Variants in TLR4 observed in about 807,000 individuals in gnomAD.
TLR4 encodes the protein toll like receptor 4.
Under a neutral mutation model 27.4 loss-of-function variants are expected in TLR4, and 17 were observed. The observed-to-expected ratio is 0.62, with a 90% CI of 0.42 to 0.93. The LOEUF (loss-of-function observed/expected upper bound fraction) is 0.93, where lower values mean the gene tolerates loss of function less well. Among genes scored for constraint, TLR4 ranks in the 40% least tolerant of loss-of-function variants. The pLI, the probability that TLR4 is intolerant of heterozygous loss-of-function variation, is 0.00. For missense variants in TLR4, 926 were observed against 962.3 expected (o/e 0.96, Z 0.50); for synonymous variants, 363 against 365.7 (o/e 0.99, Z 0.08).
intron 1 of TLR4, among the ~76,000 whole-genome samples, chr9:117,704,872 C>T (rs185542826): frequency 1.4e-3 from 213 of 152,190 alleles, no homozygotes; most frequent in African/African-American, 4.9e-3. Flanking sequence ...GACTAGTTTT[C>T]GCATCTGTAA....
chr9:117,709,678 T>C (rs1427199358), intron 2 of TLR4, among the ~76,000 whole-genome samples: 1 of 152,164 alleles, frequency 6.6e-6, no homozygotes, highest in African/African-American at 2.4e-5. Flanking sequence ...ATAGAAATTA[T>C]TGATAAAGAC....
chr9:117,713,945 G>A lies in TLR4; in HGVS notation c.1817G>A (p.Arg606Gln), dbSNP rs773808914. 1.1e-5 allele frequency: 18 copies of A among 1,613,972 alleles called. No individual in the cohort carries two copies. The highest frequency in any genetic ancestry group is 1.4e-5 in the Non-Finnish European group (17 of 1,179,972). The change falls in exon 3 of 3, where the codon CGA becomes CAA. Residue 606 changes from arginine to glutamine, a missense_variant. Coordinates refer to ENST00000355622, the MANE Select transcript of TLR4 (RefSeq NM_138554.5). ...DQRQLLVEVE[R>Q]MECATPSDKQ... The stretch of plus-strand genomic sequence containing the variant: ...AGGCAGCTCTTGGTGGAAGTTGAAC[G>A]AATGGAATGTGCAACACCTTCAGAT...
Position 117,713,505 on chromosome 9 carries a change from C to T in TLR4, c.1377C>T (p.Thr459=), listed in dbSNP as rs1179225338. The change falls in exon 3 of 3, where the codon ACC becomes ACT. Residue 459 remains threonine (T), a synonymous_variant. Transcript: ENST00000355622. The part of the protein sequence containing the change: ...LIYLDISHTH[T]RVAFNGIFNG... ...ACCTTGACATTTCTCATACTCACAC[C>T]AGAGTTGCTTTCAATGGCATCTTCA... is the stretch of plus-strand genomic sequence containing the variant. 2 of 1,614,080 alleles carry T rather than the reference C, an allele frequency of 1.2e-6. No individual in the cohort carries two copies. The highest frequency in any genetic ancestry group is 1.3e-5 in the African/African-American group (1 of 75,034).
At chr9:117,707,304 C>A (rs1227676133) in intron 1 of TLR4, among the ~76,000 whole-genome samples, 3 of 152,120 alleles carry the variant, frequency 2.0e-5, no homozygotes, top group Non-Finnish European at 2.9e-5. Flanking sequence ...TACTTCATTT[C>A]TTTGAATTTC....
intron 2 of TLR4, among the ~76,000 whole-genome samples, chr9:117,711,543 A>G (rs1243216073): frequency 6.6e-6 from 1 of 152,062 alleles, no homozygotes; most frequent in Non-Finnish European, 1.5e-5. Context: ...ACAACTCCAT[A>G]TTGTACACTC....
rs911720449 is a variant in TLR4, at chr9:117,718,384, A to G, written c.*3736A>G. The G allele has an allele frequency of 2.0e-5, 3 of 152,180 alleles. No homozygotes were observed. Among genetic ancestry groups the G allele is most frequent in the African/African-American group, 7.2e-5 (3 of 41,454 alleles). The allele number at this position is 152,180 out of a possible 1,614,324, so 9.4% of individuals were successfully genotyped here. The stretch of plus-strand genomic sequence containing the variant: ...CATATGCATATATGTTATACATACC[A>G]AATGATTTATTTATAACCCTATCTT... On this transcript the variant is annotated 3_prime_UTR_variant, in exon 3 of 3. Transcript: ENST00000355622.
chr9:117,714,569 C>G lies in TLR4; in HGVS notation c.2441C>G (p.Ala814Gly). The change falls in exon 3 of 3, where the codon GCC becomes GGC. Residue 814 changes from alanine (A) to glycine (G), a missense_variant. Coordinates refer to ENST00000355622, the MANE Select transcript of TLR4 (RefSeq NM_138554.5). ...RHIFWRRLRK[A>G]LLDGKSWNPE... ...ATCTTCTGGAGACGACTCAGAAAAG[C>G]CCTGCTGGATGGTAAATCATGGAAT... The G allele has an allele frequency of 6.2e-7, 1 of 1,613,844 alleles. No homozygotes were observed. Among genetic ancestry groups the G allele is most frequent in the Non-Finnish European group, 8.5e-7 (1 of 1,179,992 alleles).
In TLR4 at chr9:117,723,594, T is replaced by C. The variant is rs936338073; in HGVS notation, c.*8946T>C. ...ACATAAATGCAAGGAGTTATTATGA[T>C]AACAGATTGAAAACTCCTCCAAGGA... On this transcript the variant is annotated 3_prime_UTR_variant, in exon 3 of 3. Coordinates refer to ENST00000355622, the MANE Select transcript of TLR4 (RefSeq NM_138554.5). 19 of 152,296 alleles carry C rather than the reference T, an allele frequency of 1.2e-4. No homozygotes were observed. Among genetic ancestry groups the C allele is most frequent in the African/African-American group, 4.6e-4 (19 of 41,568 alleles). The allele number at this position is 152,296 out of a possible 1,614,324, so 9.4% of individuals were successfully genotyped here. A position where few individuals can be genotyped will look rare whatever the true frequency, so the allele number is the denominator to read the frequency against.
rs200144068 is a variant in TLR4, at chr9:117,704,551, G to C, written c.79G>C (p.Glu27Gln). The change falls in exon 1 of 3, where the codon GAG (glutamate) becomes CAG (glutamine). Residue 27 changes from glutamate (E) to glutamine (Q), a missense_variant. Coordinates refer to ENST00000355622, the MANE Select transcript of TLR4 (RefSeq NM_138554.5). ...CTCCTGCGTGAGACCAGAAAGCTGG[G>C]AGCCCTGCGTGGAGGTATGTGGCTG... ...FLSCVRPESW[E>Q]PCVEVVPNIT... 21 of 1,613,756 alleles carry C rather than the reference G, an allele frequency of 1.3e-5. No individual in the cohort carries two copies. The highest frequency in any genetic ancestry group is 4.0e-5 in the African/African-American group (3 of 74,898).
chr9:117,706,423 G>A (rs1423312986), intron 1 of TLR4, among the ~76,000 whole-genome samples: 2 of 152,102 alleles, frequency 1.3e-5, no homozygotes, highest in Non-Finnish European at 2.9e-5. Flanking sequence ...GAATCGGTAA[G>A]GAGGCAGGAT....
rs1829410827 is a variant in TLR4, at chr9:117,720,542, G to A, written c.*5894G>A. On this transcript the variant is annotated 3_prime_UTR_variant, in exon 3 of 3. Transcript: ENST00000355622. Reference sequence around the variant, plus strand: ...ATGGGTTTCTGAAAGGCTGCAAGCAGTTCTGGGAATGGCAATAAAGGTTTA... The same window carrying A: ...ATGGGTTTCTGAAAGGCTGCAAGCAATTCTGGGAATGGCAATAAAGGTTTA... 1 of 152,230 alleles carries A rather than the reference G, an allele frequency of 6.6e-6. No individual in the cohort carries two copies. The highest frequency in any genetic ancestry group is 1.5e-5 in the Non-Finnish European group (1 of 68,040). The allele number at this position is 152,230 out of a possible 1,614,324, so 9.4% of individuals were successfully genotyped here. A position where few individuals can be genotyped will look rare whatever the true frequency, so the allele number is the denominator to read the frequency against.
Position 117,714,421 on chromosome 9 carries a change from G to T in TLR4, c.2293G>T (p.Gly765Cys). The T allele has an allele frequency of 6.2e-7, 1 of 1,613,730 alleles. No homozygotes were observed. Among genetic ancestry groups the T allele is most frequent in the East Asian group, 2.2e-5 (1 of 44,836 alleles). Residue 765 changes from glycine (G) to cysteine (C), a missense_variant, in exon 3 of 3, where the codon GGT (glycine) becomes TGT (cysteine). Gly to Cys is a radical substitution (Grantham distance 159). Transcript: ENST00000355622. ...CTGGCAGTTTCTGAGCAGTCGTGCTGGTATCATCTTCATTGTCCTGCAGAA... is the reference window on the plus strand; with the variant it reads ...CTGGCAGTTTCTGAGCAGTCGTGCTTGTATCATCTTCATTGTCCTGCAGAA... ...QTWQFLSSRA[G>C]IIFIVLQKVE...
chr9:117,704,700 G>A, intron 1 of TLR4, 135 bp downstream of exon 1: 1 of 812,738 alleles, frequency 1.2e-6, no homozygotes, highest in African/African-American at 1.7e-5. Flanking sequence ...AAGCCACAGA[G>A]ATCAAATAAT....
chr9:117,724,093 C>T lies in TLR4; in HGVS notation c.*9445C>T, dbSNP rs1829452741. ...TCACTATAGGGCTGCTATCATCCTT[C>T]ATCCTTATGCCACTGCAAATAGCAA... is the stretch of plus-strand genomic sequence containing the variant. On this transcript the variant is annotated 3_prime_UTR_variant, in exon 3 of 3. Coordinates refer to ENST00000355622, the MANE Select transcript of TLR4 (RefSeq NM_138554.5). 1 of 152,176 alleles carries T rather than the reference C, an allele frequency of 6.6e-6. No individual in the cohort carries two copies. The highest frequency in any genetic ancestry group is 2.1e-4 in the South Asian group (1 of 4,822). The allele number at this position is 152,176 out of a possible 1,614,324, so 9.4% of individuals were successfully genotyped here.
At chr9:117,712,247 G>C (rs1397335191) in intron 2 of TLR4, 142 bp from the exon 3 acceptor site, 2 of 815,948 alleles carry the variant, frequency 2.5e-6, no homozygotes, top group Non-Finnish European at 4.0e-6. Flanking sequence ...ATCATCATCT[G>C]TCCTGCTTGA....
Position 117,724,171 on chromosome 9 carries a change from A to G in TLR4, c.*9523A>G, listed in dbSNP as rs889829210. Reference sequence around the variant, plus strand: ...CCAGGCATGCCCCTTTCCAAGCAGCAGGGTCAAGCCGCTCCCTTCCTGAGC... The same window carrying G: ...CCAGGCATGCCCCTTTCCAAGCAGCGGGGTCAAGCCGCTCCCTTCCTGAGC... On this transcript the variant is annotated 3_prime_UTR_variant, in exon 3 of 3. Transcript: ENST00000355622. The G allele has an allele frequency of 6.0e-4, 91 of 152,440 alleles. No individual in the cohort carries two copies. The highest frequency in any genetic ancestry group is 1.0e-3 in the Non-Finnish European group (69 of 68,116). The allele number at this position is 152,440 out of a possible 1,614,324, so 9.4% of individuals were successfully genotyped here.
intron 2 of TLR4, 109 bp downstream of exon 2, chr9:117,708,838 T>G: frequency 7.3e-7 from 1 of 1,361,802 alleles, no homozygotes; most frequent in Non-Finnish European, 1.0e-6. Context: ...CATTCACTTA[T>G]TCATTCATAC....
At chr9:117,705,619 G>T (rs1465212156) in intron 1 of TLR4, among the ~76,000 whole-genome samples, 1 of 151,992 alleles carries the variant, frequency 6.6e-6, no homozygotes, top group Admixed American at 6.6e-5. Context: ...GTCCATCCCT[G>T]CCCATCCCCT....
chr9:117,708,427 TG>T, intron 1 of TLR4, 135 bp from the exon 2 acceptor site: 1 of 1,555,682 alleles, frequency 6.4e-7, no homozygotes, highest in Admixed American at 1.8e-5. Flanking sequence ...GATGGAAGGA[TG>T]GACAGATGGA....
Sources: allele counts gnomAD v4.1 joint callset (sites outside exome capture counted in the v4.1 genomes callset), GRCh38; gene constraint gnomAD v4.1.1; transcripts MANE v1.5; gene names NCBI Gene and HGNC (gene_info 2026-07-23, HGNC 2026-07-21).